The following CNTNAP2 variants were observed in gnomAD, a reference collection of about 807,000 sequenced individuals.
The protein encoded by CNTNAP2 is contactin-associated protein-like 2.
A neutral mutation model predicts 155.2 loss-of-function variants in CNTNAP2; 98 were observed. That is an observed-to-expected ratio of 0.63 (90% CI 0.54 to 0.75). CNTNAP2 has a LOEUF of 0.75. Among genes scored for constraint, CNTNAP2 ranks in the 30% least tolerant of loss-of-function variants. The probability of loss-of-function intolerance (pLI) is 0.00; values close to 1 mark genes in which losing one functional copy is unlikely to be tolerated. For synonymous variants in CNTNAP2, 651 were observed against 631.2 expected (o/e 1.03, Z -0.47); for missense variants, 1,727 against 1,688.1 (o/e 1.02, Z -0.40).
chr7:146,723,565 A>G (rs1180789065), intron 1 of CNTNAP2, among the ~76,000 whole-genome samples: 1 of 152,226 alleles, frequency 6.6e-6, no homozygotes, highest in African/African-American at 2.4e-5. Flanking sequence ...GTTACATTCA[A>G]TTAATAAACT....
In CNTNAP2 at chr7:148,363,990, G is replaced by C. The variant is rs1563058219; in HGVS notation, c.3476-19659G>C. 6.6e-5 allele frequency among the ~76,000 whole-genome samples: 10 copies of C among 152,340 alleles called. No homozygotes were observed. The South Asian group carries it at 2.1e-3, about 32-fold the overall frequency. The stretch of plus-strand genomic sequence containing the variant: ...GGAGGGTGTACTGGGTCCCCCAGCA[G>C]TGCCGGCCCACCGGCGCTGCGCTCG... On this transcript the variant is annotated intron_variant, in intron 21 of 23. Coordinates refer to ENST00000361727, the MANE Select transcript of CNTNAP2 (RefSeq NM_014141.6).
intron 13 of CNTNAP2, among the ~76,000 whole-genome samples, chr7:147,811,261 A>C (rs746039654): frequency 6.6e-5 from 10 of 151,950 alleles, no homozygotes; most frequent in Non-Finnish European, 1.3e-4. Context: ...CGCTCAGCTG[A>C]TTTTTTGTAT....
intron 18 of CNTNAP2, among the ~76,000 whole-genome samples, chr7:148,206,003 T>A (rs996159603): frequency 2.6e-5 from 4 of 151,818 alleles, no homozygotes; most frequent in Admixed American, 6.6e-5. Flanking sequence ...GAAAAAAATA[T>A]ATATATGCAT....
At chr7:148,066,035 T>C (rs1286750441) in intron 15 of CNTNAP2, among the ~76,000 whole-genome samples, 2 of 152,214 alleles carry the variant, frequency 1.3e-5, no homozygotes, top group Admixed American at 1.3e-4. Context: ...CTTTCTTTCA[T>C]TTGTGAAGCT....
intron 3 of CNTNAP2, among the ~76,000 whole-genome samples, chr7:146,986,335 TTCC>T (rs1235391276): frequency 1.3e-5 from 2 of 152,226 alleles, no homozygotes; most frequent in Non-Finnish European, 2.9e-5. Flanking sequence ...CATTAATTCA[TTCC>T]TTTTTATGGC....
At chr7:146,402,757 A>G (rs1795731741) in intron 1 of CNTNAP2, among the ~76,000 whole-genome samples, 1 of 152,164 alleles carries the variant, frequency 6.6e-6, no homozygotes, top group Admixed American at 6.5e-5. Flanking sequence ...AGACTTGGTG[A>G]CTACATCAAA....
At chr7:147,321,369 C>T (rs1795347711) in intron 9 of CNTNAP2, among the ~76,000 whole-genome samples, 1 of 152,188 alleles carries the variant, frequency 6.6e-6, no homozygotes, top group South Asian at 2.1e-4. Flanking sequence ...TCTAAAGCTG[C>T]CTCTTGGCAG....
chr7:146,906,327 G>C (rs1284544408), intron 3 of CNTNAP2, among the ~76,000 whole-genome samples: 1 of 152,224 alleles, frequency 6.6e-6, no homozygotes, highest in Non-Finnish European at 1.5e-5. Context: ...GGCTGCCTCT[G>C]TAGGCTCCAC....
At chr7:148,388,163 CTTTAAG>C (rs1799259519) in intron 22 of CNTNAP2, among the ~76,000 whole-genome samples, 1 of 152,128 alleles carries the variant, frequency 6.6e-6, no homozygotes, top group Non-Finnish European at 1.5e-5. Flanking sequence ...TATTATTATA[CTTTAAG>C]TTTTAGGGTA....
At chr7:147,631,869 C>T (rs545088892) in intron 12 of CNTNAP2, among the ~76,000 whole-genome samples, 8 of 152,184 alleles carry the variant, frequency 5.3e-5, no homozygotes, top group South Asian at 2.1e-4. Flanking sequence ...GTCCTGAAAC[C>T]GTAAACATTC....
intron 14 of CNTNAP2, among the ~76,000 whole-genome samples, chr7:147,949,373 A>G (rs1800880806): frequency 6.6e-6 from 1 of 151,238 alleles, no homozygotes; most frequent in Non-Finnish European, 1.5e-5. Context: ...TGAAAGAGGC[A>G]GAAGAAAATC....
At chr7:147,522,818 G>T (rs1225448569) in intron 11 of CNTNAP2, among the ~76,000 whole-genome samples, 1 of 147,338 alleles carries the variant, frequency 6.8e-6, no homozygotes, top group Non-Finnish European at 1.5e-5. Flanking sequence ...AAAAATAATA[G>T]TTTATTGAAG....
chr7:146,371,016 T>G (rs1333684909), intron 1 of CNTNAP2, among the ~76,000 whole-genome samples: 1 of 152,118 alleles, frequency 6.6e-6, no homozygotes, highest in Non-Finnish European at 1.5e-5. Context: ...ATTTTTAAAA[T>G]TTTAATTTTA....
intron 1 of CNTNAP2, among the ~76,000 whole-genome samples, chr7:146,457,030 C>A (rs1796564905): frequency 6.6e-6 from 1 of 151,916 alleles, no homozygotes; most frequent in Admixed American, 6.6e-5. Flanking sequence ...CATTGCATAA[C>A]ACCTTGATCT....
chr7:147,000,555 G>C (rs778501155), intron 3 of CNTNAP2, among the ~76,000 whole-genome samples: 1 of 152,072 alleles, frequency 6.6e-6, no homozygotes, highest in Middle Eastern at 3.2e-3. Context: ...CTGTCCAGAG[G>C]TTAAGAGTGG....
intron 13 of CNTNAP2, among the ~76,000 whole-genome samples, chr7:147,749,788 T>C (rs17508434): frequency 0.19 from 28,795 of 152,174 alleles, 3,079 homozygotes; most frequent in Middle Eastern, 0.38. Flanking sequence ...TATTTTAATA[T>C]CAGTAACACT....
At chr7:147,735,453 A>G (rs1025261552) in intron 13 of CNTNAP2, among the ~76,000 whole-genome samples, 4 of 152,110 alleles carry the variant, frequency 2.6e-5, no homozygotes, top group African/African-American at 7.2e-5. Flanking sequence ...TATGTGGTCA[A>G]TTTTGGAGTA....
chr7:147,245,433 A>T (rs887720154), intron 8 of CNTNAP2, among the ~76,000 whole-genome samples: 1 of 152,072 alleles, frequency 6.6e-6, no homozygotes, highest in African/African-American at 2.4e-5. Context: ...ACAGAGCATC[A>T]GTTGCTGTTT....
intron 9 of CNTNAP2, among the ~76,000 whole-genome samples, chr7:147,301,323 TCA>T (rs1794941989): frequency 1.3e-5 from 2 of 152,212 alleles, no homozygotes; most frequent in South Asian, 4.1e-4. Flanking sequence ...ATGATCTTTT[TCA>T]TAACTAATAC....
Sources: allele counts gnomAD v4.1 joint callset (sites outside exome capture counted in the v4.1 genomes callset), GRCh38; gene constraint gnomAD v4.1.1; transcripts MANE v1.5; gene names NCBI Gene and HGNC (gene_info 2026-07-23, HGNC 2026-07-21).